Variants in APBA2 observed in about 807,000 individuals in gnomAD.
APBA2 encodes the protein amyloid beta precursor protein binding family A member 2, also known as amyloid-beta A4 precursor protein-binding family A member 2.
In APBA2, 30 loss-of-function variants were observed where a neutral mutation model predicts 75.0. The observed-to-expected ratio is 0.40, with a 90% confidence interval of 0.30 to 0.54. The LOEUF is 0.54. Among genes scored for constraint, APBA2 ranks in the 20% least tolerant of loss-of-function variants. The probability of loss-of-function intolerance (pLI) is 0.49; values close to 1 mark genes in which losing one functional copy is unlikely to be tolerated. For synonymous variants in APBA2, 444 were observed against 409.6 expected (o/e 1.08, Z -1.01); for missense variants, 801 against 1,016.1 (o/e 0.79, Z 2.88).
At chr15:29,106,883 T>C (rs1056992490) in intron 12 of APBA2, 64 bp downstream of exon 12, 2 of 1,490,056 alleles carry the variant, frequency 1.3e-6, no homozygotes, top group Non-Finnish European at 9.3e-7. Context: ...ATCCCCACTT[T>C]GCTGCAATCC....
At chr15:28,950,161 C>T (rs2035776822) in intron 2 of APBA2, among the ~76,000 whole-genome samples, 1 of 152,126 alleles carries the variant, frequency 6.6e-6, no homozygotes, top group African/African-American at 2.4e-5. Flanking sequence ...GGTTTATCTG[C>T]TGTTCTTCTC....
At position 29,046,151 on chromosome 15, in the gene APBA2, T is replaced by A. The variant is rs1054116482; in HGVS notation, c.-40-7694T>A. Among the ~76,000 whole-genome samples the A allele has an allele frequency of 2.0e-5, 3 of 152,236 alleles. No homozygotes were observed. The highest frequency in any genetic ancestry group is 4.4e-5 in the Non-Finnish European group (3 of 68,042). ...GAGGTGTGTTAAATGGAATTCTTTA[T>A]CATAAGGCTGCAAACTGCTTCTGTG... On this transcript the variant is annotated intron_variant, in intron 3 of 14. Transcript: ENST00000683413. The surrounding 1 kb of genome is among the most constrained non-coding windows in gnomAD (Gnocchi z 5.0).
At chr15:29,085,083 T>G (rs1359920087) in intron 6 of APBA2, among the ~76,000 whole-genome samples, 5 of 152,346 alleles carry the variant, frequency 3.3e-5, no homozygotes, top group Admixed American at 6.5e-5. Flanking sequence ...AATGGTGGTG[T>G]TCTAATTTCA....
chr15:28,949,971 CCTTAGTTTTTG>C (rs2035764540), intron 2 of APBA2, among the ~76,000 whole-genome samples: 1 of 152,116 alleles, frequency 6.6e-6, no homozygotes. Flanking sequence ...ATTCCAATTT[CCTTAGTTTTTG>C]CTTAATGTTT....
chr15:28,904,336 G>A (rs896064107), intron 1 of APBA2, among the ~76,000 whole-genome samples: 3 of 152,202 alleles, frequency 2.0e-5, no homozygotes, highest in African/African-American at 7.2e-5. Flanking sequence ...CCAGCCATAC[G>A]AGTTTGTCCT....
intron 2 of APBA2, among the ~76,000 whole-genome samples, chr15:28,987,744 A>G (rs1185301023): frequency 1.4e-5 from 2 of 139,472 alleles, no homozygotes; most frequent in East Asian, 2.4e-4. Flanking sequence ...ATATATATAT[A>G]TATATATATT....
rs1284321017 is a variant in APBA2, at chr15:29,051,332, C to T, written c.-40-2513C>T. 2.0e-5 allele frequency among the ~76,000 whole-genome samples: 3 copies of T among 152,080 alleles called. 1 individual carries two copies. The highest frequency in any genetic ancestry group is 4.4e-5 in the Non-Finnish European group (3 of 68,016). ...TTTGCGAATGGGGTGACGGGCCCTG[C>T]AGGGTCCATCTCAGTGACAATTTTC... On this transcript the variant is annotated intron_variant, in intron 3 of 14. Coordinates refer to ENST00000683413, the MANE Select transcript of APBA2 (RefSeq NM_001353788.2).
chr15:28,930,569 G>T (rs1482664713), intron 2 of APBA2, among the ~76,000 whole-genome samples: 1 of 152,202 alleles, frequency 6.6e-6, no homozygotes, highest in African/African-American at 2.4e-5. Context: ...GGGAGGGAGG[G>T]CTGTGTGTCT....
intron 8 of APBA2, among the ~76,000 whole-genome samples, chr15:29,096,554 C>T (rs890316172): frequency 1.1e-4 from 17 of 152,242 alleles, no homozygotes; most frequent in African/African-American, 2.4e-4. Flanking sequence ...AGTTCCTCCG[C>T]GGCTGCGGAT....
intron 3 of APBA2, among the ~76,000 whole-genome samples, chr15:29,028,725 T>C (rs1387826275): frequency 6.6e-6 from 1 of 152,214 alleles, no homozygotes; most frequent in South Asian, 2.1e-4. Context: ...TGGTATCTCA[T>C]TGTGGTTTTG....
chr15:29,067,468 C>T (rs28628664), intron 4 of APBA2, among the ~76,000 whole-genome samples: 29,483 of 151,934 alleles, frequency 0.19, 3,217 homozygotes, highest in African/African-American at 0.29. Context: ...GAGTAAATAA[C>T]ACAACCACAT....
At chr15:28,957,996 A>T (rs982960144) in intron 2 of APBA2, among the ~76,000 whole-genome samples, 1 of 151,154 alleles carries the variant, frequency 6.6e-6, no homozygotes, top group Admixed American at 6.6e-5. Context: ...CAGGCGGGGG[A>T]GCATTTGGAG....
rs59345963 is a variant in APBA2 at position 28,960,148 on chromosome 15, C to CAAA, written c.-94-35587_-94-35585dup. ...CAGGTGACAGAGTGAGACCTTGTTT[C>CAAA]AAAAAAAAAAAAAAAAAAAAGACAC... On this transcript the variant is annotated intron_variant, in intron 2 of 14. Transcript: ENST00000683413. Among the ~76,000 whole-genome samples the CAAA allele has an allele frequency of 1.9e-3, 175 of 93,168 alleles. 1 individual carries two copies. The South Asian group carries it at 0.023, about 12-fold the overall frequency. 61.1% of individuals were successfully genotyped at this position (93,168 alleles called of 152,430 possible).
chr15:28,950,325 A>G (rs1004247087), intron 2 of APBA2, among the ~76,000 whole-genome samples: 3 of 152,202 alleles, frequency 2.0e-5, no homozygotes, highest in African/African-American at 7.2e-5. Context: ...CCAGTTGCTC[A>G]CTGTAAGATT....
In APBA2 at chr15:29,108,288, C is replaced by T. The variant is rs769989504; in HGVS notation, c.1936C>T (p.Gln646Ter). The T allele has an allele frequency of 1.2e-6, 2 of 1,613,968 alleles. No individual in the cohort carries two copies. The highest frequency in any genetic ancestry group is 8.5e-7 in the Non-Finnish European group (1 of 1,180,036). ...GIIKGLKNQT[Q>*]VKLNIVSCPP... The stretch of plus-strand genomic sequence containing the variant: ...TCTGCAGGGCCTGAAGAACCAGACA[C>T]AGGTGAAGCTCAACATTGTCAGCTG... The change falls in exon 13 of 15, where the codon CAG (glutamine) becomes TAG (stop). Residue 646 changes from glutamine to a stop codon, truncating the protein, a stop_gained. Coordinates refer to ENST00000683413, the MANE Select transcript of APBA2 (RefSeq NM_001353788.2). LOFTEE classifies it high-confidence loss of function.
chr15:28,886,417 C>T (rs1249013426), intron 1 of APBA2, 139 bp downstream of exon 1: 1 of 149,462 alleles, frequency 6.7e-6, no homozygotes, highest in Non-Finnish European at 1.5e-5. Context: ...CCTCCCGACT[C>T]AGCGTGGCTG....
intron 13 of APBA2, among the ~76,000 whole-genome samples, chr15:29,112,962 G>C (rs544623219): frequency 6.6e-6 from 1 of 152,024 alleles, no homozygotes; most frequent in Non-Finnish European, 1.5e-5. Flanking sequence ...GTGTTTGTTC[G>C]TGTGCCTGGC....
At chr15:29,094,466 T>C (rs960723377) in intron 8 of APBA2, among the ~76,000 whole-genome samples, 153 bp downstream of exon 8, 5 of 152,250 alleles carry the variant, frequency 3.3e-5, no homozygotes, top group African/African-American at 1.2e-4. Flanking sequence ...CTTAGATGTT[T>C]GTAAATGAAA....
chr15:28,899,527 G>A (rs2032721992), intron 1 of APBA2, among the ~76,000 whole-genome samples: 1 of 152,242 alleles, frequency 6.6e-6, no homozygotes, highest in East Asian at 1.9e-4. Flanking sequence ...CGTGGAAGCC[G>A]TGTTGCGTTG....
Sources: allele counts gnomAD v4.1 joint callset (sites outside exome capture counted in the v4.1 genomes callset), GRCh38; gene constraint gnomAD v4.1.1; non-coding constraint Gnocchi (gnomAD v3.1); transcripts MANE v1.5; gene names NCBI Gene and HGNC (gene_info 2026-07-23, HGNC 2026-07-21).